The following FGF2 variants were observed in gnomAD, a reference collection of about 807,000 sequenced individuals.
FGF2 encodes basic fibroblast growth factor bFGF.
FGF2 carries 13 observed loss-of-function variants against 15.9 expected under a neutral mutation model. The ratio of observed to expected loss-of-function variants is 0.82; its 90% CI spans 0.53 to 1.30. FGF2 has a LOEUF of 1.30. FGF2 is among the 50% of genes most tolerant of loss of function. The pLI is 0.00. For synonymous variants in FGF2, 90 were observed against 78.4 expected (o/e 1.15, Z -0.78); for missense variants, 163 against 196.9 (o/e 0.83, Z 1.03).
At chr4:122,844,589 TCC>T (rs1445811016) in intron 1 of FGF2, among the ~76,000 whole-genome samples, 22 of 122,204 alleles carry the variant, frequency 1.8e-4, no homozygotes, top group Middle Eastern at 5.1e-3. Context: ...CTTTCTTTCT[TCC>T]TTCCTTCCTT....
chr4:122,829,107 C>T (rs573654684), intron 1 of FGF2, among the ~76,000 whole-genome samples: 6 of 152,130 alleles, frequency 3.9e-5, no homozygotes, highest in Non-Finnish European at 5.9e-5. Context: ...TTTTGATACC[C>T]GATTCGCCTT....
At chr4:122,831,715 C>T (rs1180056443) in intron 1 of FGF2, among the ~76,000 whole-genome samples, 2 of 152,150 alleles carry the variant, frequency 1.3e-5, no homozygotes, top group Admixed American at 6.5e-5. Context: ...TGACTTCAGC[C>T]TAGAAAAGGC....
chr4:122,843,052 A>T (rs1398799565), intron 1 of FGF2, among the ~76,000 whole-genome samples: 1 of 152,212 alleles, frequency 6.6e-6, no homozygotes, highest in Non-Finnish European at 1.5e-5. Context: ...CTTGTCCCTT[A>T]AAATGTGTTT....
At chr4:122,883,676 G>A (rs1418606490) in intron 2 of FGF2, among the ~76,000 whole-genome samples, 1 of 152,132 alleles carries the variant, frequency 6.6e-6, no homozygotes, top group Non-Finnish European at 1.5e-5. Flanking sequence ...GTAGTTTTAA[G>A]TTTAAATCAC....
intron 1 of FGF2, among the ~76,000 whole-genome samples, chr4:122,859,619 TA>T (rs984311682): frequency 6.8e-6 from 1 of 147,676 alleles, no homozygotes; most frequent in Admixed American, 6.9e-5. Flanking sequence ...TGCTATATAC[TA>T]AAAGTTTATA....
chr4:122,881,710 C>T (rs56360311), intron 2 of FGF2, among the ~76,000 whole-genome samples: 3,308 of 152,322 alleles, frequency 0.022, 62 homozygotes, highest in Non-Finnish European at 0.036. Flanking sequence ...ATTTTCCTGT[C>T]ATCTTCTGAG....
chr4:122,893,400 T>C lies in FGF2; in HGVS notation c.*1004T>C. ...GATATCAAGAAATCCCAAAATATTT[T>C]CTTACCACTGTAAATTCAAGAAGCT... On this transcript the variant is annotated 3_prime_UTR_variant, in exon 3 of 3. Transcript: ENST00000644866. 1 of 534,792 alleles carries C rather than the reference T, an allele frequency of 1.9e-6. No homozygotes were observed. Among genetic ancestry groups the C allele is most frequent in the East Asian group, 3.2e-5 (1 of 31,422 alleles). The allele number at this position is 534,792 out of a possible 1,614,324, so 33.1% of individuals were successfully genotyped here.
intron 1 of FGF2, among the ~76,000 whole-genome samples, chr4:122,829,242 A>G (rs1725710544): frequency 6.6e-6 from 1 of 152,118 alleles, no homozygotes; most frequent in Non-Finnish European, 1.5e-5. Flanking sequence ...CATTTTTGTA[A>G]TCTTACTTTA....
In FGF2 at chr4:122,860,674, C is replaced by G. The variant is rs954688472; in HGVS notation, c.179-15647C>G. Among the ~76,000 whole-genome samples the G allele has an allele frequency of 5.3e-4, 81 of 152,128 alleles. 1 individual carries two copies. The highest frequency in any genetic ancestry group is 1.8e-3 in the African/African-American group (76 of 41,518). On this transcript the variant is annotated intron_variant, in intron 1 of 2. Coordinates refer to ENST00000644866, the MANE Select transcript of FGF2 (RefSeq NM_001361665.2). ...TTCTTGCCATGTTGACCAGGCTGGTCTCGAATTCCTGGCTTCAAGCAATCC... is the reference window on the plus strand; with the variant it reads ...TTCTTGCCATGTTGACCAGGCTGGTGTCGAATTCCTGGCTTCAAGCAATCC...
chr4:122,831,271 A>T (rs556125838), intron 1 of FGF2, among the ~76,000 whole-genome samples: 1 of 151,954 alleles, frequency 6.6e-6, no homozygotes, highest in Non-Finnish European at 1.5e-5. Context: ...TCCACCATAG[A>T]GTGTGCCCTG....
rs1053701650 is a variant in FGF2 at position 122,827,581 on chromosome 4, C to G, written c.178+229C>G. Among the ~76,000 whole-genome samples, 1 of 152,054 alleles carries G rather than the reference C, an allele frequency of 6.6e-6. No individual in the cohort carries two copies. Among genetic ancestry groups the G allele is most frequent in the Admixed American group, 6.5e-5 (1 of 15,282 alleles). On this transcript the variant is annotated intron_variant, in intron 1 of 2. Transcript: ENST00000644866. The surrounding 1 kb of genome is among the most constrained non-coding windows in gnomAD (Gnocchi z 4.2). Reference sequence around the variant, plus strand: ...GGGCTTTGGGGTGTGCCAATTTGCCCTGTAAACCAGTACCCCCGGCCCGGA... The same window carrying G: ...GGGCTTTGGGGTGTGCCAATTTGCCGTGTAAACCAGTACCCCCGGCCCGGA...
At chr4:122,828,639 T>C (rs547713897) in intron 1 of FGF2, among the ~76,000 whole-genome samples, 3 of 152,184 alleles carry the variant, frequency 2.0e-5, no homozygotes, top group Non-Finnish European at 4.4e-5. Context: ...GGCAGAAGAA[T>C]GGGCAATACA....
chr4:122,843,366 G>T (rs1726037334), intron 1 of FGF2, among the ~76,000 whole-genome samples: 1 of 152,224 alleles, frequency 6.6e-6, no homozygotes, highest in African/African-American at 2.4e-5. Flanking sequence ...TGCTAGCTAG[G>T]CAGGGACTGG....
rs1316554552 is a variant in FGF2, at chr4:122,827,310, G to A, written c.136G>A (p.Asp46Asn). The A allele has an allele frequency of 1.2e-6, 2 of 1,612,832 alleles. No individual in the cohort carries two copies. The highest frequency in any genetic ancestry group is 1.7e-6 in the Non-Finnish European group (2 of 1,179,892). Residue 46 changes from aspartate (D) to asparagine (N), a missense_variant, in exon 1 of 3, where the codon GAC (aspartate) becomes AAC (asparagine). Coordinates refer to ENST00000644866, the MANE Select transcript of FGF2 (RefSeq NM_001361665.2). The surrounding 1 kb of genome is among the most constrained non-coding windows in gnomAD (Gnocchi z 4.2). ...GGGCTTCTTCCTGCGCATCCACCCCGACGGCCGAGTTGACGGGGTCCGGGA... is the reference window on the plus strand; with the variant it reads ...GGGCTTCTTCCTGCGCATCCACCCCAACGGCCGAGTTGACGGGGTCCGGGA... ...NGGFFLRIHP[D>N]GRVDGVREKS...
At chr4:122,867,531 A>G (rs1285925084) in intron 1 of FGF2, among the ~76,000 whole-genome samples, 1 of 152,160 alleles carries the variant, frequency 6.6e-6, no homozygotes, top group African/African-American at 2.4e-5. Flanking sequence ...AATTTTTTAG[A>G]GACAGGATTT....
chr4:122,827,191 T>C lies in FGF2; in HGVS notation c.17T>C (p.Ile6Thr), dbSNP rs1327888635. The change falls in exon 1 of 3, where the codon ATC (isoleucine) becomes ACC (threonine). Residue 6 changes from isoleucine to threonine, a missense_variant. Physicochemically the swap from Ile to Thr is moderately conservative, Grantham distance 89. Coordinates refer to ENST00000644866, the MANE Select transcript of FGF2 (RefSeq NM_001361665.2). The surrounding 1 kb of genome is among the most constrained non-coding windows in gnomAD (Gnocchi z 4.2). MAAGSITTLPALPEDG... is the reference protein window; with the variant it reads MAAGSTTTLPALPEDG... The stretch of plus-strand genomic sequence containing the variant: ...GCAGGGACCATGGCAGCCGGGAGCA[T>C]CACCACGCTGCCCGCCTTGCCCGAG... The C allele has an allele frequency of 6.3e-7, 1 of 1,596,956 alleles. No homozygotes were observed. Among genetic ancestry groups the C allele is most frequent in the South Asian group, 1.1e-5 (1 of 89,106 alleles).
intron 2 of FGF2, among the ~76,000 whole-genome samples, chr4:122,891,424 C>CTTTTTTT (rs57602061): frequency 7.4e-6 from 1 of 135,262 alleles, no homozygotes; most frequent in Non-Finnish European, 1.6e-5. Context: ...GCCAGCTATC[C>CTTTTTTT]TTTTTTTTTT....
At chr4:122,834,868 C>T (rs1345588494) in intron 1 of FGF2, among the ~76,000 whole-genome samples, 2 of 152,122 alleles carry the variant, frequency 1.3e-5, no homozygotes, top group African/African-American at 2.4e-5. Flanking sequence ...AAGGTGTAGA[C>T]GTATTAATAG....
chr4:122,843,213 G>A (rs564465823), intron 1 of FGF2, among the ~76,000 whole-genome samples: 2 of 152,324 alleles, frequency 1.3e-5, no homozygotes, highest in East Asian at 3.9e-4. Context: ...TCAAACAGGA[G>A]TGACACTGAA....
Sources: gnomAD v4.1 joint callset for allele counts (sites outside exome capture counted in the v4.1 genomes callset) on GRCh38, gnomAD v4.1.1 for gene constraint, Gnocchi (gnomAD v3.1) non-coding constraint, MANE v1.5 for transcripts, NCBI Gene and HGNC (gene_info 2026-07-23, HGNC 2026-07-21) for gene names.